The following ROBO2 variants were observed in gnomAD, a reference collection of about 807,000 sequenced individuals.
The protein encoded by ROBO2 is roundabout guidance receptor 2.
ROBO2 carries 53 observed loss-of-function variants against 160.8 expected under a neutral mutation model. That is an observed-to-expected ratio of 0.33 (90% CI 0.26 to 0.41). The LOEUF (loss-of-function observed/expected upper bound fraction) is 0.41, where lower values mean the gene tolerates loss of function less well. Among genes scored for constraint, ROBO2 ranks in the 10% least tolerant of loss-of-function variants. The probability of loss-of-function intolerance (pLI) is 1.00; values close to 1 mark genes in which losing one functional copy is unlikely to be tolerated. For synonymous variants in ROBO2, 664 were observed against 611.7 expected (o/e 1.09, Z -1.26); for missense variants, 1,577 against 1,722.4 (o/e 0.92, Z 1.49).
chr3:76,162,150 G>A (rs2072665049), intron 2 of ROBO2, among the ~76,000 whole-genome samples: 1 of 152,130 alleles, frequency 6.6e-6, no homozygotes, highest in Admixed American at 6.6e-5. Flanking sequence ...TAGCTTCAAT[G>A]TATTTATTGG....
chr3:76,869,340 A>ATCTTTTTTTTTTTTTTTTTTT lies in ROBO2; in HGVS notation c.110-228673_110-228672insCTTTTTTTTTTTTTTTTTTTT, dbSNP rs1178461363. On this transcript the variant is annotated intron_variant, in intron 2 of 26. Coordinates refer to the ROBO2 transcript ENST00000487694. ...TATTTTATGTGCCTAGTAGAAATTG[A>ATCTTTTTTTTTTTTTTTTTTT]TGTTTTTTTTTTTTTTTTTTTTTTT... Among the ~76,000 whole-genome samples, 5 of 108,140 alleles carry ATCTTTTTTTTTTTTTTTTTTT rather than the reference A, an allele frequency of 4.6e-5. 1 individual carries two copies. Among genetic ancestry groups the ATCTTTTTTTTTTTTTTTTTTT allele is most frequent in the Non-Finnish European group, 1.9e-5 (1 of 53,358 alleles). 70.9% of individuals were successfully genotyped at this position (108,140 alleles called of 152,430 possible).
At chr3:75,965,660 A>G (rs931058929) in intron 2 of ROBO2, among the ~76,000 whole-genome samples, 2 of 129,248 alleles carry the variant, frequency 1.5e-5, no homozygotes, top group African/African-American at 5.7e-5. Context: ...TATTTTATAT[A>G]TATTGTATAT....
At chr3:77,203,972 T>C (rs2083168618) in intron 2 of ROBO2, among the ~76,000 whole-genome samples, 1 of 152,208 alleles carries the variant, frequency 6.6e-6, no homozygotes, top group Admixed American at 6.5e-5. Flanking sequence ...GCCTCTCTTT[T>C]GGCAACTATC....
At chr3:76,800,952 T>C (rs2064150851) in intron 2 of ROBO2, among the ~76,000 whole-genome samples, 1 of 152,220 alleles carries the variant, frequency 6.6e-6, no homozygotes, top group Non-Finnish European at 1.5e-5. Flanking sequence ...TGAACTCCCA[T>C]ATTTATTGTA....
At chr3:76,892,281 G>A (rs1577299053) in intron 2 of ROBO2, among the ~76,000 whole-genome samples, 2 of 150,388 alleles carry the variant, frequency 1.3e-5, no homozygotes, top group African/African-American at 5.0e-5. Context: ...GCTTTGCCAG[G>A]AGTATTTATG....
At chr3:77,018,061 G>T (rs1203325342) in intron 2 of ROBO2, among the ~76,000 whole-genome samples, 2 of 150,368 alleles carry the variant, frequency 1.3e-5, no homozygotes, top group Admixed American at 6.6e-5. Context: ...GATGTGTTTA[G>T]TAAGACAAAG....
At chr3:77,005,407 T>C (rs541125663) in intron 2 of ROBO2, among the ~76,000 whole-genome samples, 1 of 152,176 alleles carries the variant, frequency 6.6e-6, no homozygotes, top group Admixed American at 6.5e-5. Context: ...TTCCTTATAT[T>C]TGTTGTTCAA....
At chr3:76,856,442 C>T (rs1464989519) in intron 2 of ROBO2, among the ~76,000 whole-genome samples, 1 of 152,182 alleles carries the variant, frequency 6.6e-6, no homozygotes, top group Non-Finnish European at 1.5e-5. Context: ...GGGGCAAGAG[C>T]ACCTATAACC....
chr3:76,832,084 A>G (rs1361278636), intron 2 of ROBO2, among the ~76,000 whole-genome samples: 3 of 152,200 alleles, frequency 2.0e-5, no homozygotes, highest in African/African-American at 7.2e-5. Context: ...GACAAGTACA[A>G]TAACTACCAA....
At chr3:77,549,440 G>C (rs186299153) in intron 7 of ROBO2, among the ~76,000 whole-genome samples, 99 of 152,006 alleles carry the variant, frequency 6.5e-4, no homozygotes, top group African/African-American at 2.1e-3. Context: ...CTCAAATTGT[G>C]TTTCTATGCA....
At chr3:76,029,939 A>G (rs1392838805) in intron 2 of ROBO2, among the ~76,000 whole-genome samples, 1 of 152,178 alleles carries the variant, frequency 6.6e-6, no homozygotes, top group East Asian at 1.9e-4. Flanking sequence ...AGGAATCACC[A>G]CACTGTCTTC....
At chr3:76,587,470 G>A (rs182060748) in intron 2 of ROBO2, among the ~76,000 whole-genome samples, 4 of 152,206 alleles carry the variant, frequency 2.6e-5, no homozygotes, top group Admixed American at 1.3e-4. Context: ...GGAAGCAAAC[G>A]CACCTTCCTC....
intron 2 of ROBO2, among the ~76,000 whole-genome samples, chr3:76,928,187 C>T (rs1259711318): frequency 1.3e-5 from 2 of 152,026 alleles, no homozygotes; most frequent in African/African-American, 4.8e-5. Context: ...AGATAGGTAA[C>T]ATTGTTGGCT....
intron 2 of ROBO2, among the ~76,000 whole-genome samples, chr3:76,825,870 T>C (rs1313538429): frequency 6.6e-6 from 1 of 152,066 alleles, no homozygotes; most frequent in Non-Finnish European, 1.5e-5. Context: ...ATTCGTTCCG[T>C]TGAGTTTACA....
At chr3:77,195,401 A>G (rs35002418) in intron 2 of ROBO2, among the ~76,000 whole-genome samples, 29,810 of 152,194 alleles carry the variant, frequency 0.2, 3,366 homozygotes, top group Middle Eastern at 0.31. Flanking sequence ...AGTTAGGTTT[A>G]TATAGCTTTT....
At chr3:76,253,670 A>C (rs1706177953) in intron 2 of ROBO2, among the ~76,000 whole-genome samples, 1 of 151,360 alleles carries the variant, frequency 6.6e-6, no homozygotes, top group South Asian at 2.1e-4. Context: ...AATTCTGAAA[A>C]GAGCAACAAA....
At chr3:76,802,524 T>G (rs960544779) in intron 2 of ROBO2, among the ~76,000 whole-genome samples, 4 of 151,820 alleles carry the variant, frequency 2.6e-5, no homozygotes, top group Non-Finnish European at 5.9e-5. Flanking sequence ...GTCAGGAGAT[T>G]GAGACCATCC....
At chr3:76,669,767 A>G (rs1206076862) in intron 2 of ROBO2, among the ~76,000 whole-genome samples, 1 of 152,166 alleles carries the variant, frequency 6.6e-6, no homozygotes, top group African/African-American at 2.4e-5. Context: ...AGAATTAACC[A>G]TTACTATTGC....
At chr3:77,616,386 A>G (rs1215864977) in intron 21 of ROBO2, among the ~76,000 whole-genome samples, 1 of 151,658 alleles carries the variant, frequency 6.6e-6, no homozygotes, top group South Asian at 2.1e-4. Context: ...TTTTTTTAAT[A>G]CTAGTTATAA....
Sources: allele counts gnomAD v4.1 joint callset (sites outside exome capture counted in the v4.1 genomes callset), GRCh38; gene constraint gnomAD v4.1.1; transcripts MANE v1.5; gene names NCBI Gene and HGNC (gene_info 2026-07-23, HGNC 2026-07-21).